The following MDGA2 variants were observed in gnomAD, a reference collection of about 807,000 sequenced individuals.
MDGA2 encodes the protein MAM domain-containing glycosylphosphatidylinositol anchor protein 2.
Under a neutral mutation model 117.8 loss-of-function variants are expected in MDGA2, and 40 were observed. The ratio of observed to expected loss-of-function variants is 0.34; its 90% CI spans 0.26 to 0.44. The LOEUF is 0.44. MDGA2 is among the 20% of genes least tolerant of loss of function. The pLI is 1.00. For missense variants in MDGA2, 1,123 were observed against 1,250.6 expected (o/e 0.90, Z 1.54); for synonymous variants, 452 against 439.0 (o/e 1.03, Z -0.37).
intron 6 of MDGA2, among the ~76,000 whole-genome samples, chr14:47,062,590 A>G (rs1889928183): frequency 6.6e-6 from 1 of 151,848 alleles, no homozygotes; most frequent in African/African-American, 2.4e-5. Flanking sequence ...AGTGAAACAC[A>G]ATTATCAGGA....
chr14:47,497,656 C>T (rs1414926331), intron 1 of MDGA2, among the ~76,000 whole-genome samples: 1 of 152,074 alleles, frequency 6.6e-6, no homozygotes, highest in East Asian at 1.9e-4. Context: ...ACTGAGTCTG[C>T]TTGTATGTCA....
chr14:46,927,844 G>C (rs1486187309), intron 9 of MDGA2, among the ~76,000 whole-genome samples: 2 of 151,958 alleles, frequency 1.3e-5, no homozygotes, highest in Non-Finnish European at 2.9e-5. Context: ...TCTTCTGCTC[G>C]AGGCAGAGCT....
chr14:47,655,421 G>C (rs928243701), intron 1 of MDGA2, among the ~76,000 whole-genome samples: 5 of 152,034 alleles, frequency 3.3e-5, no homozygotes, highest in Non-Finnish European at 7.4e-5. Flanking sequence ...TGAATGTATT[G>C]GATATTAGAA....
intron 1 of MDGA2, among the ~76,000 whole-genome samples, chr14:47,463,241 T>A (rs1403708747): frequency 2.0e-5 from 3 of 152,108 alleles, no homozygotes; most frequent in Admixed American, 6.6e-5. Flanking sequence ...ACTGAAAAAA[T>A]TCCTTTTAAA....
chr14:47,295,956 A>AGATG (rs1186861816), intron 2 of MDGA2, among the ~76,000 whole-genome samples: 1 of 151,306 alleles, frequency 6.6e-6, no homozygotes, highest in African/African-American at 2.4e-5. Flanking sequence ...ATAGATAGAT[A>AGATG]GATAGATAGA....
chr14:47,236,155 G>C (rs950727178), intron 2 of MDGA2, among the ~76,000 whole-genome samples: 2 of 151,740 alleles, frequency 1.3e-5, no homozygotes, highest in African/African-American at 4.8e-5. Context: ...GCCGGGCATA[G>C]TGGCGGGCGC....
chr14:47,542,627 C>T (rs977049760), intron 1 of MDGA2, among the ~76,000 whole-genome samples: 1 of 152,004 alleles, frequency 6.6e-6, no homozygotes, highest in Non-Finnish European at 1.5e-5. Context: ...TAAAGAGAGA[C>T]AGTATTTTAA....
intron 8 of MDGA2, among the ~76,000 whole-genome samples, chr14:46,980,267 C>A (rs1886620624): frequency 6.6e-6 from 1 of 152,162 alleles, no homozygotes; most frequent in African/African-American, 2.4e-5. Context: ...TTGAGGAAAT[C>A]ACTGCAGATG....
At chr14:46,916,844 T>C (rs978933918) in intron 10 of MDGA2, among the ~76,000 whole-genome samples, 1 of 151,760 alleles carries the variant, frequency 6.6e-6, no homozygotes, top group Admixed American at 6.6e-5. Flanking sequence ...AAAAGCACCC[T>C]AGAAAAAAAC....
chr14:47,025,550 G>A (rs976569726), intron 8 of MDGA2, among the ~76,000 whole-genome samples: 1 of 152,006 alleles, frequency 6.6e-6, no homozygotes, highest in Non-Finnish European at 1.5e-5. Context: ...TTCTTAACCT[G>A]GGGTGATTTT....
intron 9 of MDGA2, among the ~76,000 whole-genome samples, chr14:46,939,153 A>G (rs942333965): frequency 1.3e-5 from 2 of 152,112 alleles, no homozygotes; most frequent in African/African-American, 4.8e-5. Flanking sequence ...GATTTTTGAG[A>G]GAATACAAAA....
At chr14:47,232,598 A>T (rs901362502) in intron 2 of MDGA2, among the ~76,000 whole-genome samples, 2 of 152,092 alleles carry the variant, frequency 1.3e-5, no homozygotes, top group Non-Finnish European at 2.9e-5. Context: ...AGGCCAAAGA[A>T]AGTGAAGTGT....
At chr14:47,121,345 C>G (rs531473788) in intron 5 of MDGA2, among the ~76,000 whole-genome samples, 2 of 151,986 alleles carry the variant, frequency 1.3e-5, no homozygotes, top group Non-Finnish European at 2.9e-5. Flanking sequence ...TTCAGCAGAA[C>G]TAATGTAATA....
At chr14:47,176,838 A>T (rs1390025437) in intron 3 of MDGA2, among the ~76,000 whole-genome samples, 3 of 152,230 alleles carry the variant, frequency 2.0e-5, no homozygotes, top group Admixed American at 6.5e-5. Flanking sequence ...GCACAGCAAA[A>T]GAAACTACCA....
chr14:47,131,761 C>A lies in MDGA2; in HGVS notation c.878G>T (p.Cys293Phe). Residue 293 changes from cysteine (C) to phenylalanine (F), a missense_variant, in exon 5 of 17, where the codon TGT becomes TTT. Transcript: ENST00000399232. Reference protein sequence around the residue: ...YSCIASVRNVCNIPDKMVSFR... With the variant: ...YSCIASVRNVFNIPDKMVSFR... ...CGACACCATCTTATCAGGAATATTA[C>A]ATACATTCCTCACTGAAGCAATGCA... The A allele has an allele frequency of 6.3e-7, 1 of 1,584,030 alleles. No homozygotes were observed. The highest frequency in any genetic ancestry group is 8.6e-7 in the Non-Finnish European group (1 of 1,158,120).
At chr14:46,930,739 C>T (rs911279155) in intron 9 of MDGA2, among the ~76,000 whole-genome samples, 1 of 152,174 alleles carries the variant, frequency 6.6e-6, no homozygotes, top group African/African-American at 2.4e-5. Flanking sequence ...AATACAATAC[C>T]TCCATGAAAT....
chr14:47,144,002 G>T, intron 4 of MDGA2, 76 bp downstream of exon 4: 1 of 1,089,920 alleles, frequency 9.2e-7, no homozygotes, highest in Non-Finnish European at 1.3e-6. Flanking sequence ...TTTTCAAATA[G>T]CTATGAATTC....
chr14:46,973,585 AT>A (rs2138342939), intron 8 of MDGA2, among the ~76,000 whole-genome samples: 1 of 152,272 alleles, frequency 6.6e-6, no homozygotes, highest in South Asian at 2.1e-4. Context: ...AATAAAAAAA[AT>A]GAATGGAGAT....
chr14:47,627,668 G>A (rs1897172044), intron 1 of MDGA2, among the ~76,000 whole-genome samples: 1 of 152,198 alleles, frequency 6.6e-6, no homozygotes, highest in Non-Finnish European at 1.5e-5. Flanking sequence ...TCAGCAGGAT[G>A]TGGGTAGGGC....
Sources: gnomAD v4.1 joint callset for allele counts (sites outside exome capture counted in the v4.1 genomes callset) on GRCh38, gnomAD v4.1.1 for gene constraint, MANE v1.5 for transcripts, NCBI Gene and HGNC (gene_info 2026-07-23, HGNC 2026-07-21) for gene names.